SCAPER: variants seen among roughly 807,000 people sequenced by gnomAD.
The protein encoded by SCAPER is S phase cyclin A-associated protein in the endoplasmic reticulum.
SCAPER carries 98 observed loss-of-function variants against 182.2 expected under a neutral mutation model. The observed-to-expected ratio is 0.54, with a 90% CI of 0.46 to 0.64. The LOEUF (loss-of-function observed/expected upper bound fraction) is 0.64. Ranked by LOEUF, SCAPER falls within the 30% of genes least tolerant of loss-of-function variation. The pLI, the probability that SCAPER is intolerant of heterozygous loss-of-function variation, is 0.00. For missense variants in SCAPER, 1,432 were observed against 1,690.0 expected, an observed-to-expected ratio of 0.85 and a Z score of 2.68; for synonymous variants, 605 against 564.6, an observed-to-expected ratio of 1.07 and a Z score of -1.01.
intron 15 of SCAPER, among the ~76,000 whole-genome samples, chr15:76,752,989 T>C (rs1021388513): frequency 6.6e-6 from 1 of 151,812 alleles, no homozygotes; most frequent in Admixed American, 6.6e-5. Context: ...GGTCAGAATA[T>C]GGCACAACTA....
chr15:76,818,215 A>G (rs74024627), intron 5 of SCAPER, among the ~76,000 whole-genome samples: 2 of 152,184 alleles, frequency 1.3e-5, no homozygotes, highest in South Asian at 2.1e-4. Flanking sequence ...TTTTCAACAC[A>G]TGATGCTAGA....
chr15:76,574,894 A>G (rs1300793600), intron 22 of SCAPER, among the ~76,000 whole-genome samples: 1 of 152,032 alleles, frequency 6.6e-6, no homozygotes, highest in Non-Finnish European at 1.5e-5. Flanking sequence ...TCACTCTTGG[A>G]GCAACCCTCC....
In SCAPER at chr15:76,475,379, T is replaced by A. The variant is rs576245915; in HGVS notation, c.2955-4044A>T. 2.0e-5 allele frequency among the ~76,000 whole-genome samples: 3 copies of A among 152,002 alleles called. No homozygotes were observed. In the South Asian group the frequency reaches 6.2e-4, roughly 32 times the overall value. On this transcript the variant is annotated intron_variant, in intron 24 of 31. Coordinates refer to ENST00000563290, the MANE Select transcript of SCAPER (RefSeq NM_020843.4). ...TCTTGCTCTGTTGCCCAGGCTGGAG[T>A]GCAGTGGCATGATCTCAGCTCACTG...
At chr15:76,810,510 AAG>A in intron 5 of SCAPER, among the ~76,000 whole-genome samples, 1 of 149,382 alleles carries the variant, frequency 6.7e-6, no homozygotes, top group Non-Finnish European at 1.5e-5. Flanking sequence ...ACACAAAAGA[AAG>A]AGGAAGGAAT....
chr15:76,687,856 T>G (rs1033889580), intron 20 of SCAPER, among the ~76,000 whole-genome samples: 4 of 152,230 alleles, frequency 2.6e-5, no homozygotes, highest in Non-Finnish European at 5.9e-5. Flanking sequence ...AGCACTTGGG[T>G]TGGTTCCAAG....
In SCAPER at chr15:76,895,454, G is replaced by A. The variant is rs117397688; in HGVS notation, c.-60+9845C>T. Among the ~76,000 whole-genome samples, 690 of 147,572 alleles carry A rather than the reference G, an allele frequency of 4.7e-3. 5 individuals are homozygous for A. Among genetic ancestry groups the A allele is most frequent in the Non-Finnish European group, 7.8e-3 (526 of 67,312 alleles). ...GAAAATTTAAAAGCTTTTCCTCTAA[G>A]ATCAACAAGACAAGAATGCCATCTC... On this transcript the variant is annotated intron_variant, in intron 1 of 31. Coordinates refer to ENST00000563290, the MANE Select transcript of SCAPER (RefSeq NM_020843.4).
intron 20 of SCAPER, among the ~76,000 whole-genome samples, chr15:76,671,202 A>G (rs1307015704): frequency 3.3e-5 from 5 of 152,058 alleles, no homozygotes; most frequent in Non-Finnish European, 7.4e-5. Context: ...CATCATGGGC[A>G]TGCACCTGCG....
chr15:76,357,150 T>TCACACACACACACACA (rs55912416), intron 29 of SCAPER, among the ~76,000 whole-genome samples: 3,693 of 128,848 alleles, frequency 0.029, 85 homozygotes, highest in Non-Finnish European at 0.037. Flanking sequence ...TTTATTGACA[T>TCACACACACACACACA]CACACACACA....
chr15:76,438,843 A>T (rs1252142627), intron 25 of SCAPER, among the ~76,000 whole-genome samples: 1 of 152,094 alleles, frequency 6.6e-6, no homozygotes, highest in South Asian at 2.1e-4. Context: ...TGGCCCTTTC[A>T]TTGTTAAAAA....
At chr15:76,743,612 C>T (rs571824485) in intron 15 of SCAPER, among the ~76,000 whole-genome samples, 1 of 151,812 alleles carries the variant, frequency 6.6e-6, no homozygotes, top group East Asian at 1.9e-4. Context: ...AAGAACTGAA[C>T]AAGGAGAATG....
At chr15:76,385,585 C>T (rs762359649) in intron 27 of SCAPER, among the ~76,000 whole-genome samples, 2 of 152,090 alleles carry the variant, frequency 1.3e-5, no homozygotes, top group African/African-American at 2.4e-5. Context: ...TTTTACTGTT[C>T]AAGGAGAGGT....
At chr15:76,510,929 G>A (rs1254729781) in intron 23 of SCAPER, among the ~76,000 whole-genome samples, 2 of 152,100 alleles carry the variant, frequency 1.3e-5, no homozygotes, top group African/African-American at 4.8e-5. Flanking sequence ...CCATTAAAAG[G>A]AATGAATTAA....
chr15:76,719,854 AT>A (rs1332533582), intron 17 of SCAPER, among the ~76,000 whole-genome samples: 11 of 152,162 alleles, frequency 7.2e-5, no homozygotes, highest in Non-Finnish European at 1.2e-4. Flanking sequence ...GCTAAAAAAA[AT>A]CTAAGATTAA....
intron 17 of SCAPER, among the ~76,000 whole-genome samples, chr15:76,715,916 C>T (rs2059866043): frequency 6.6e-6 from 1 of 152,122 alleles, no homozygotes; most frequent in Non-Finnish European, 1.5e-5. Context: ...TGAACCTGTG[C>T]CTGAAGTCCC....
At chr15:76,848,323 GTT>G (rs60859623) in intron 4 of SCAPER, among the ~76,000 whole-genome samples, 30,082 of 130,690 alleles carry the variant, frequency 0.23, 5,185 homozygotes, top group African/African-American at 0.51. Context: ...TTTTTTTGGG[GTT>G]TTTTTTTTTT....
intron 21 of SCAPER, among the ~76,000 whole-genome samples, chr15:76,652,513 A>T (rs1441501018): frequency 8.7e-5 from 7 of 80,280 alleles, no homozygotes; most frequent in African/African-American, 2.9e-4. Context: ...ATATATTTAC[A>T]TACATACACA....
chr15:76,368,314 G>A (rs891299618), intron 29 of SCAPER, among the ~76,000 whole-genome samples: 6 of 152,228 alleles, frequency 3.9e-5, no homozygotes, highest in African/African-American at 7.2e-5. Context: ...CTAAATGCTG[G>A]AATGGGATTC....
At chr15:76,761,241 T>C (rs1346989549) in intron 14 of SCAPER, among the ~76,000 whole-genome samples, 1 of 152,140 alleles carries the variant, frequency 6.6e-6, no homozygotes, top group Non-Finnish European at 1.5e-5. Flanking sequence ...CTTTTTTTCT[T>C]AGACTAGCTA....
At chr15:76,453,583 C>A (rs549071569) in intron 25 of SCAPER, among the ~76,000 whole-genome samples, 1 of 152,196 alleles carries the variant, frequency 6.6e-6, no homozygotes, top group Non-Finnish European at 1.5e-5. Flanking sequence ...TCATTGCAGC[C>A]TATCAGGTAG....
Sources: gnomAD v4.1 joint callset for allele counts (sites outside exome capture counted in the v4.1 genomes callset) on GRCh38, gnomAD v4.1.1 for gene constraint, MANE v1.5 for transcripts, NCBI Gene and HGNC (gene_info 2026-07-23, HGNC 2026-07-21) for gene names.